Variants in KSR2 observed in about 807,000 individuals in gnomAD.
The protein encoded by KSR2 is kinase suppressor of ras 2.
Under a neutral mutation model 107.8 loss-of-function variants are expected in KSR2, and 25 were observed. That is an observed-to-expected ratio of 0.23 (90% confidence interval 0.17 to 0.32). The LOEUF (loss-of-function observed/expected upper bound fraction) is 0.32. Among genes scored for constraint, KSR2 ranks in the 10% least tolerant of loss-of-function variants. KSR2 has a pLI of 1.00. For synonymous variants in KSR2, 480 were observed against 507.0 expected (o/e 0.95, Z 0.71); for missense variants, 887 against 1,268.9 (o/e 0.70, Z 4.57).
At chr12:117,936,931 C>T (rs1477452397) in intron 1 of KSR2, among the ~76,000 whole-genome samples, 1 of 152,166 alleles carries the variant, frequency 6.6e-6, no homozygotes, top group Admixed American at 6.5e-5. Context: ...GTCTGGGAGA[C>T]TAGACAAACA....
chr12:117,831,286 C>T (rs1891954038), intron 3 of KSR2, among the ~76,000 whole-genome samples: 2 of 152,234 alleles, frequency 1.3e-5, no homozygotes, highest in Admixed American at 1.3e-4. Flanking sequence ...TGAGCAATTT[C>T]TTTCCCTCGA....
rs779855538 is a variant in KSR2, at chr12:117,579,227, T to C, written c.1242-25A>G. 3.2e-6 allele frequency: 5 copies of C among 1,575,540 alleles called. No individual in the cohort carries two copies. In the East Asian group the frequency reaches 1.1e-4, roughly 35 times the overall value. On this transcript the variant is annotated intron_variant, in intron 6 of 19. Coordinates refer to ENST00000339824, the MANE Select transcript of KSR2 (RefSeq NM_173598.6). ...CCTGTGGAAAAGAGACAGAAAATGT[T>C]CAAGGTTAAGGAAATGGCGACTGAC...
At chr12:117,760,938 T>A in intron 4 of KSR2, 73 bp downstream of exon 4, 1 of 1,587,338 alleles carries the variant, frequency 6.3e-7, no homozygotes, top group Non-Finnish European at 8.6e-7. Context: ...ACCTGGGCAG[T>A]TCCTGGGACC....
In KSR2 at chr12:117,836,459, G is replaced by A. The variant is rs533557127; in HGVS notation, c.472+18969C>T. Among the ~76,000 whole-genome samples, 5 of 152,296 alleles carry A rather than the reference G, an allele frequency of 3.3e-5. No individual in the cohort carries two copies. The East Asian group carries it at 5.8e-4, about 18-fold the overall frequency. On this transcript the variant is annotated intron_variant, in intron 3 of 19. Coordinates refer to ENST00000339824, the MANE Select transcript of KSR2 (RefSeq NM_173598.6). ...GCCAAAAGGAGCACAGCAAAGTCCC[G>A]CTCAGATGGAGAGGTTGTCCCAGAC...
rs554054144 is a variant in KSR2 at position 117,628,362 on chromosome 12, T to G, written c.1171+39112A>C. Among the ~76,000 whole-genome samples the G allele has an allele frequency of 8.5e-5, 13 of 152,362 alleles. 1 individual carries two copies. The South Asian group carries it at 2.7e-3, about 32-fold the overall frequency. On this transcript the variant is annotated intron_variant, in intron 5 of 19. Transcript: ENST00000339824. The stretch of plus-strand genomic sequence containing the variant: ...ATCTACCTTTGGTCTTTGGTGTTGG[T>G]GACCTACAGATGGGGTTTTGGTGTA...
chr12:117,772,122 T>C (rs1376025914), intron 3 of KSR2, among the ~76,000 whole-genome samples: 16 of 115,174 alleles, frequency 1.4e-4, no homozygotes, highest in Admixed American at 4.0e-4. Flanking sequence ...CCCCCAAAGA[T>C]GCACATACAC....
intron 3 of KSR2, among the ~76,000 whole-genome samples, chr12:117,834,651 G>T (rs560163137): frequency 1.3e-5 from 2 of 152,294 alleles, no homozygotes; most frequent in East Asian, 3.9e-4. Context: ...GCTGCGGTGA[G>T]GCTCCTCCTC....
At chr12:117,547,729 T>C (rs1039497147) in intron 9 of KSR2, among the ~76,000 whole-genome samples, 3 of 151,146 alleles carry the variant, frequency 2.0e-5, no homozygotes, top group African/African-American at 7.4e-5. Context: ...TTGGGGCTTA[T>C]TTTGTTTTTA....
At chr12:117,937,971 GAAAAAAAAA>G (rs771959105) in intron 1 of KSR2, among the ~76,000 whole-genome samples, 7 of 53,962 alleles carry the variant, frequency 1.3e-4, no homozygotes, top group Non-Finnish European at 1.8e-4. Context: ...TCTGTCTCAA[GAAAAAAAAA>G]AAAAAAAAAA....
chr12:117,877,314 G>A lies in KSR2; in HGVS notation c.181-16883C>T, dbSNP rs1015615219. On this transcript the variant is annotated intron_variant, in intron 1 of 19. Coordinates refer to ENST00000339824, the MANE Select transcript of KSR2 (RefSeq NM_173598.6). ...ATCGCACCACTGCACTCCAGCCTGG[G>A]TGACAGAGTAAGACTCCATCTCAAA... Among the ~76,000 whole-genome samples the A allele has an allele frequency of 1.2e-4, 19 of 152,132 alleles. No homozygotes were observed. The East Asian group carries it at 3.5e-3, about 28-fold the overall frequency.
intron 5 of KSR2, among the ~76,000 whole-genome samples, chr12:117,653,399 G>T (rs1461208344): frequency 6.6e-6 from 1 of 152,214 alleles, no homozygotes; most frequent in Non-Finnish European, 1.5e-5. Context: ...TACCTTCACT[G>T]TCCTACCTCA....
chr12:117,586,583 GA>G (rs60193111), intron 5 of KSR2, among the ~76,000 whole-genome samples: 133 of 54,662 alleles, frequency 2.4e-3, no homozygotes, highest in East Asian at 0.015. Context: ...GCCAAACTCC[GA>G]AAAAAAAAAA....
chr12:117,851,562 T>C (rs1030674833), intron 3 of KSR2, among the ~76,000 whole-genome samples: 44 of 151,996 alleles, frequency 2.9e-4, no homozygotes, highest in African/African-American at 1.0e-3. Flanking sequence ...TACTCCAACC[T>C]GGGTGACAAA....
intron 4 of KSR2, among the ~76,000 whole-genome samples, chr12:117,700,683 T>C (rs1886264736): frequency 6.6e-6 from 1 of 152,240 alleles, no homozygotes; most frequent in Admixed American, 6.5e-5. Flanking sequence ...GTGAAGACGC[T>C]ATTAACCGCA....
At chr12:117,850,367 A>C (rs1375929325) in intron 3 of KSR2, among the ~76,000 whole-genome samples, 1 of 152,238 alleles carries the variant, frequency 6.6e-6, no homozygotes, top group Non-Finnish European at 1.5e-5. Flanking sequence ...CACCAGAAGG[A>C]CAAAAGGAAA....
chr12:117,791,031 T>C (rs1890231855), intron 3 of KSR2, among the ~76,000 whole-genome samples: 1 of 152,162 alleles, frequency 6.6e-6, no homozygotes, highest in Non-Finnish European at 1.5e-5. Context: ...TGGCTCCCTA[T>C]TCCCTTAGAA....
At position 117,734,217 on chromosome 12, in the gene KSR2, G is replaced by T. The variant is rs1472030607; in HGVS notation, c.986+26794C>A. On this transcript the variant is annotated intron_variant, in intron 4 of 19. Transcript: ENST00000339824. ...AATCACTTGAACCTGTGAGGTGGAGGTTGCAGTGAGCTGGCATTGCACCAC... is the reference window on the plus strand; with the variant it reads ...AATCACTTGAACCTGTGAGGTGGAGTTTGCAGTGAGCTGGCATTGCACCAC... 2.6e-5 allele frequency among the ~76,000 whole-genome samples: 4 copies of T among 151,214 alleles called. No homozygotes were observed. In the East Asian group the frequency reaches 7.8e-4, roughly 30 times the overall value.
chr12:117,518,989 GTGTT>G (rs1266902479), intron 14 of KSR2, among the ~76,000 whole-genome samples: 2 of 152,282 alleles, frequency 1.3e-5, no homozygotes, highest in East Asian at 3.9e-4. Flanking sequence ...ATGATCTTAC[GTGTT>G]TGTTTAACTT....
intron 3 of KSR2, among the ~76,000 whole-genome samples, chr12:117,771,292 C>T (rs1364789449): frequency 6.6e-6 from 1 of 152,122 alleles, no homozygotes; most frequent in African/African-American, 2.4e-5. Context: ...CAAAAGAATG[C>T]AATCGTTTGT....
Sources: allele counts gnomAD v4.1 joint callset (sites outside exome capture counted in the v4.1 genomes callset), GRCh38; gene constraint gnomAD v4.1.1; transcripts MANE v1.5; gene names NCBI Gene and HGNC (gene_info 2026-07-23, HGNC 2026-07-21).